The following LMOD1 variants were observed in gnomAD, a reference collection of about 807,000 sequenced individuals.
The protein encoded by LMOD1 is leiomodin 1.
Under a neutral mutation model 36.5 loss-of-function variants are expected in LMOD1, and 8 were observed. The observed-to-expected ratio is 0.22, with a 90% CI of 0.13 to 0.40. The LOEUF is 0.40. Ranked by LOEUF, LMOD1 falls within the 10% of genes least tolerant of loss-of-function variation. The probability of loss-of-function intolerance (pLI) is 1.00; values close to 1 mark genes in which losing one functional copy is unlikely to be tolerated. For synonymous variants in LMOD1, 284 were observed against 288.7 expected, an observed-to-expected ratio of 0.98 and a Z score of 0.17; for missense variants, 630 against 751.1, an observed-to-expected ratio of 0.84 and a Z score of 1.88.
At chr1:201,935,168 C>A (rs1681994306) in intron 1 of LMOD1, among the ~76,000 whole-genome samples, 1 of 152,144 alleles carries the variant, frequency 6.6e-6, no homozygotes, top group Non-Finnish European at 1.5e-5. Context: ...GGCAAGAGTG[C>A]AGAAATGAGA....
chr1:201,909,952 C>A (rs533049114), intron 1 of LMOD1, among the ~76,000 whole-genome samples: 1 of 152,360 alleles, frequency 6.6e-6, no homozygotes, highest in East Asian at 1.9e-4. Context: ...CACTCTTTCA[C>A]CTGAATGCCT....
intron 1 of LMOD1, among the ~76,000 whole-genome samples, chr1:201,927,447 TC>T (rs1197092476): frequency 6.6e-6 from 1 of 152,044 alleles, no homozygotes; most frequent in Non-Finnish European, 1.5e-5. Flanking sequence ...GTGCCTGTAA[TC>T]CCAGCTACTC....
chr1:201,916,811 A>T lies in LMOD1; in HGVS notation c.262-16060T>A, dbSNP rs574015399. 4.6e-5 allele frequency among the ~76,000 whole-genome samples: 7 copies of T among 152,164 alleles called. No individual in the cohort carries two copies. In the East Asian group the frequency reaches 5.8e-4, roughly 13 times the overall value. ...AATTACACATCAGCCCCGGTGATAAACATCAGTGCTGAGCAGAGGGCCAAA... is the reference window on the plus strand; with the variant it reads ...AATTACACATCAGCCCCGGTGATAATCATCAGTGCTGAGCAGAGGGCCAAA... On this transcript the variant is annotated intron_variant, in intron 1 of 2. Coordinates refer to ENST00000367288, the MANE Select transcript of LMOD1 (RefSeq NM_012134.3).
chr1:201,927,305 C>T (rs1324909172), intron 1 of LMOD1, among the ~76,000 whole-genome samples: 1 of 152,024 alleles, frequency 6.6e-6, no homozygotes, highest in African/African-American at 2.4e-5. Context: ...ACTTGGCTCA[C>T]GCCTGTAATC....
chr1:201,945,170 T>C (rs1017535623), intron 1 of LMOD1, among the ~76,000 whole-genome samples: 2 of 152,144 alleles, frequency 1.3e-5, no homozygotes, highest in African/African-American at 4.8e-5. Context: ...CATCGGAGGC[T>C]AGTTTGTCCA....
At chr1:201,902,333 T>C (rs1681345008) in intron 1 of LMOD1, among the ~76,000 whole-genome samples, 1 of 152,130 alleles carries the variant, frequency 6.6e-6, no homozygotes, top group Non-Finnish European at 1.5e-5. Context: ...TGCCAGATTC[T>C]AGATCTTGGA....
chr1:201,926,259 A>G lies in LMOD1; in HGVS notation c.261+19821T>C, dbSNP rs546328867. Among the ~76,000 whole-genome samples, 26 of 152,240 alleles carry G rather than the reference A, an allele frequency of 1.7e-4. No individual in the cohort carries two copies. In the South Asian group the frequency reaches 5.0e-3, roughly 29 times the overall value. The stretch of plus-strand genomic sequence containing the variant: ...GTGTCTGTGCTGTGAGCTGACCATA[A>G]GTCTCTGCGTTTCCAGTGCCCAGTG... On this transcript the variant is annotated intron_variant, in intron 1 of 2. Transcript: ENST00000367288.
intron 1 of LMOD1, among the ~76,000 whole-genome samples, chr1:201,919,206 A>G (rs886838568): frequency 4.0e-5 from 6 of 148,914 alleles, no homozygotes; most frequent in East Asian, 2.0e-4. Context: ...GTATCTCTAA[A>G]AGACAGAAAC....
At position 201,946,177 on chromosome 1, in the gene LMOD1, G is replaced by T. The variant is rs772555355; in HGVS notation, c.164C>A (p.Thr55Lys). 2 of 1,613,932 alleles carry T rather than the reference G, an allele frequency of 1.2e-6. No individual in the cohort carries two copies. The highest frequency in any genetic ancestry group is 1.7e-6 in the Non-Finnish European group (2 of 1,179,880). The change falls in exon 1 of 3, where the codon ACG becomes AAG. Residue 55 changes from threonine (T) to lysine (K), a missense_variant. By Grantham distance (78) the Thr-to-Lys change is moderately conservative (BLOSUM62 -1). Around this residue, in one of 3 missense-constraint regions of LMOD1, gnomAD observed 405 missense variants for 400.6 expected, o/e 1.01. Transcript: ENST00000367288. ...VPVGLRQRNQ[T>K]EKQSTGVYNR... ...GTACACACCCGTGGACTGTTTCTCCGTCTGGTTTCTCTGCCGCAGCCCCAC... is the reference window on the plus strand; with the variant it reads ...GTACACACCCGTGGACTGTTTCTCCTTCTGGTTTCTCTGCCGCAGCCCCAC...
chr1:201,938,922 C>T (rs954234132), intron 1 of LMOD1, among the ~76,000 whole-genome samples: 1 of 152,140 alleles, frequency 6.6e-6, no homozygotes, highest in African/African-American at 2.4e-5. Flanking sequence ...GGAGAATCCA[C>T]CTCAAAATCT....
intron 1 of LMOD1, 22 bp downstream of exon 1, chr1:201,946,058 C>T: frequency 1.2e-6 from 2 of 1,607,488 alleles, no homozygotes; most frequent in Non-Finnish European, 1.7e-6. Flanking sequence ...CCCTCCTCCC[C>T]TCCAGGGCTG....
At chr1:201,907,990 T>C (rs528512540) in intron 1 of LMOD1, among the ~76,000 whole-genome samples, 3 of 152,188 alleles carry the variant, frequency 2.0e-5, no homozygotes, top group South Asian at 2.1e-4. Context: ...CCCCCCACCA[T>C]AGAGCAGGCC....
intron 1 of LMOD1, among the ~76,000 whole-genome samples, chr1:201,918,128 T>C (rs1681640221): frequency 1.3e-5 from 2 of 152,242 alleles, no homozygotes; most frequent in Admixed American, 1.3e-4. Context: ...ATGGTGCAGC[T>C]CTCTGTCTTC....
At chr1:201,935,659 C>T (rs1347292562) in intron 1 of LMOD1, among the ~76,000 whole-genome samples, 12 of 152,016 alleles carry the variant, frequency 7.9e-5, no homozygotes, top group South Asian at 2.1e-4. Context: ...TGGGTTCAAG[C>T]GATTCTCCTG....
Position 201,899,232 on chromosome 1 carries a change from C to T in LMOD1, c.1776+5G>A. ...CCCTGTTGGCTCATGCCCACAACTA[C>T]TTAACTTCTTGAGCTGCTTGAGGTT... is the stretch of plus-strand genomic sequence containing the variant. On this transcript the variant is annotated splice_donor_5th_base_variant and intron_variant, in intron 2 of 2. Transcript: ENST00000367288. This position sits in a 1 kb window ranked among gnomAD's most constrained non-coding sequence, Gnocchi z 6.3. 1 of 1,577,120 alleles carries T rather than the reference C, an allele frequency of 6.3e-7. No individual in the cohort carries two copies. The highest frequency in any genetic ancestry group is 8.6e-7 in the Non-Finnish European group (1 of 1,158,848).
rs1682206507 is a variant in LMOD1, at chr1:201,946,123, T to C, written c.218A>G (p.Glu73Gly). ...YNREAMLNFC[E>G]KETKKLMQRE... ...CTGCATAAGTTTCTTGGTCTCCTTT[T>C]CACAGAAGTTGAGCATGGCCTCCCG... The change falls in exon 1 of 3, where the codon GAA (glutamate) becomes GGA (glycine). Residue 73 changes from glutamate (E) to glycine (G), a missense_variant. Transcript: ENST00000367288. 6.2e-7 allele frequency: 1 copy of C among 1,613,986 alleles called. No individual in the cohort carries two copies. Among genetic ancestry groups the C allele is most frequent in the African/African-American group, 1.3e-5 (1 of 75,048 alleles).
intron 1 of LMOD1, among the ~76,000 whole-genome samples, chr1:201,934,937 G>C (rs1330139954): frequency 6.6e-6 from 1 of 152,154 alleles, no homozygotes; most frequent in African/African-American, 2.4e-5. Flanking sequence ...TGAAGGGCTG[G>C]GGCCTCAGCC....
intron 1 of LMOD1, among the ~76,000 whole-genome samples, chr1:201,901,408 A>G (rs528034378): frequency 6.7e-6 from 1 of 150,024 alleles, no homozygotes; most frequent in South Asian, 2.1e-4. Context: ...AGGCAGAGGC[A>G]GGAGAATCAC....
rs376833541 is a variant in LMOD1 at position 201,935,957 on chromosome 1, TAC to T, written c.261+10121_261+10122del. ...GTGAAACCCCTGTCTCTACTGAAAA[TAC>T]AAAAAATTAGCCGGGCGTGGTGGCA... On this transcript the variant is annotated intron_variant, in intron 1 of 2. Transcript: ENST00000367288. 2.3e-3 allele frequency among the ~76,000 whole-genome samples: 346 copies of T among 150,568 alleles called. 1 individual carries two copies. Among genetic ancestry groups the T allele is most frequent in the African/African-American group, 8.2e-3 (335 of 41,098 alleles).
Sources: allele counts gnomAD v4.1 joint callset (sites outside exome capture counted in the v4.1 genomes callset), GRCh38; gene constraint gnomAD v4.1.1; regional missense constraint gnomAD v4.1.1; non-coding constraint Gnocchi (gnomAD v3.1); transcripts MANE v1.5; gene names NCBI Gene and HGNC (gene_info 2026-07-23, HGNC 2026-07-21).